The following MST1R variants were observed in gnomAD, a reference collection of about 807,000 sequenced individuals.
The protein encoded by MST1R is macrophage-stimulating protein receptor.
In MST1R, 99 loss-of-function variants were observed where a neutral mutation model predicts 117.8. That is an observed-to-expected ratio of 0.84 (90% CI 0.71 to 0.99). MST1R has a LOEUF of 0.99. Among genes scored for constraint, MST1R ranks in the 50% least tolerant of loss-of-function variants. The pLI is 0.00. For missense variants in MST1R, 1,683 were observed against 1,840.2 expected, an observed-to-expected ratio of 0.91 and a Z score of 1.56; for synonymous variants, 734 against 765.3, an observed-to-expected ratio of 0.96 and a Z score of 0.68.
At position 49,898,557 on chromosome 3, in the gene MST1R, G is replaced by T; in HGVS notation, c.1680C>A (p.Gly560=). The change falls in exon 4 of 20, where the codon GGC becomes GGA. Residue 560 remains glycine (G), a synonymous_variant. Coordinates refer to ENST00000296474, the MANE Select transcript of MST1R (RefSeq NM_002447.4). Reference sequence around the variant, plus strand: ...GTGGGCAGTGGTCCTGTTGCCAGGAGCCAGGACACTCCTTCTGCTGGCCGC... The same window carrying T: ...GTGGGCAGTGGTCCTGTTGCCAGGATCCAGGACACTCCTTCTGCTGGCCGC... ...NMCGQQKECP[G]SWQQDHCPPK... The T allele has an allele frequency of 8.7e-6, 14 of 1,613,992 alleles. No individual in the cohort carries two copies. The highest frequency in any genetic ancestry group is 1.2e-5 in the Non-Finnish European group (14 of 1,180,032).
In MST1R at chr3:49,901,715, AC is replaced by A. The variant is rs1470307486; in HGVS notation, c.1230+664del. On this transcript the variant is annotated intron_variant, in intron 1 of 19. Coordinates refer to ENST00000296474, the MANE Select transcript of MST1R (RefSeq NM_002447.4). Reference sequence around the variant, plus strand: ...ATGCAGGCTCCCTAACAAGCTCCCAACTTCCAAGGCCCAGGAGGCTCCCTGG... The same window carrying A: ...ATGCAGGCTCCCTAACAAGCTCCCAATTCCAAGGCCCAGGAGGCTCCCTGG... Among the ~76,000 whole-genome samples, 13 of 134,714 alleles carry A rather than the reference AC, an allele frequency of 9.7e-5. No homozygotes were observed. The South Asian group carries it at 3.2e-3, about 33-fold the overall frequency. The allele number at this position is 134,714 out of a possible 152,430, so 88.4% of individuals were successfully genotyped here.
Position 49,890,538 on chromosome 3 carries a change from A to C in MST1R, c.3757T>G (p.Trp1253Gly). The change falls in exon 18 of 20, where the codon TGG becomes GGG. Residue 1253 changes from tryptophan to glycine, a missense_variant. Physicochemically the swap from Trp to Gly is radical, Grantham distance 184. Transcript: ENST00000296474. ...GTCTGCAGGCTCTCCAGCGCCATCC[A>C]CTTCACAGGTAGGCGAGCGTGGCGA... ...QHRHARLPVKWMALESLQTYR... is the reference protein window; with the variant it reads ...QHRHARLPVKGMALESLQTYR... The C allele has an allele frequency of 6.2e-7, 1 of 1,614,084 alleles. No homozygotes were observed. The highest frequency in any genetic ancestry group is 1.3e-5 in the African/African-American group (1 of 75,052).
Position 49,897,557 on chromosome 3 carries a change from A to C in MST1R, c.2009T>G (p.Val670Gly), listed in dbSNP as rs201024956. Residue 670 changes from valine (V) to glycine (G), a missense_variant, in exon 6 of 20, where the codon GTA becomes GGA. Val to Gly is a moderately radical substitution (Grantham distance 109). Coordinates refer to ENST00000296474, the MANE Select transcript of MST1R (RefSeq NM_002447.4). ...TNMPPGKHFR[V>G]DGTSVLRGFS... ...GCCTCTCAGCACGGAGGTGCCGTCT[A>C]CCCGGAAGTGCTTGCCCGGTGGCAT... 2.1e-4 allele frequency: 332 copies of C among 1,614,024 alleles called. 3 individuals carry two copies. The East Asian group carries it at 5.9e-3, about 28-fold the overall frequency.
chr3:49,896,202 T>G lies in MST1R; in HGVS notation c.2642A>C (p.Lys881Thr), dbSNP rs781000755. The G allele has an allele frequency of 6.2e-7, 1 of 1,613,978 alleles. No homozygotes were observed. The highest frequency in any genetic ancestry group is 1.3e-5 in the African/African-American group (1 of 74,906). The change falls in exon 10 of 20, where the codon AAG becomes ACG. Residue 881 changes from lysine to threonine, a missense_variant. Coordinates refer to ENST00000296474, the MANE Select transcript of MST1R (RefSeq NM_002447.4). ...VPLKPEEHAI[K>T]FEYIGLGAVA... Reference sequence around the variant, plus strand: ...CCTATCCCTTACACTTACCTCAAACTTAATGGCATGCTCCTCAGGCTTCAG... The same window carrying G: ...CCTATCCCTTACACTTACCTCAAACGTAATGGCATGCTCCTCAGGCTTCAG...
At chr3:49,891,006 G>A (rs556016258) in intron 17 of MST1R, among the ~76,000 whole-genome samples, 191 bp downstream of exon 17, 27 of 152,300 alleles carry the variant, frequency 1.8e-4, no homozygotes, top group African/African-American at 6.3e-4. Context: ...GATTACAGAC[G>A]TGAGCCACCG....
rs2082312071 is a variant in MST1R at position 49,891,435 on chromosome 3, G to A, written c.3498C>T (p.His1166=). The A allele has an allele frequency of 6.8e-6, 11 of 1,613,890 alleles. No individual in the cohort carries two copies. Among genetic ancestry groups the A allele is most frequent in the East Asian group, 4.5e-5 (2 of 44,898 alleles). Residue 1166 remains histidine (H), a synonymous_variant, in exon 16 of 20, where the codon CAC becomes CAT. Transcript: ENST00000296474. Reference sequence around the variant, plus strand: ...AGCGGATGAACTGGAGCAGGTCACCGTGGCACATATAGGGCAGCAGCACAT... The same window carrying A: ...AGCGGATGAACTGGAGCAGGTCACCATGGCACATATAGGGCAGCAGCACAT... ...LPHVLLPYMC[H]GDLLQFIRSP...
intron 1 of MST1R, among the ~76,000 whole-genome samples, chr3:49,901,161 C>G (rs1262515473): frequency 6.6e-6 from 1 of 152,218 alleles, no homozygotes; most frequent in African/African-American, 2.4e-5. Context: ...GACAAGGAGT[C>G]CCCAACCCTA....
chr3:49,902,371 T>C lies in MST1R; in HGVS notation c.1230+9A>G. On this transcript the variant is annotated intron_variant, in intron 1 of 19. Coordinates refer to ENST00000296474, the MANE Select transcript of MST1R (RefSeq NM_002447.4). ...AGCTCACAAGTAAGGGCCCCTTCTT[T>C]CAGCTTACCGGGTTGGGGCAAAAAC... 6.2e-7 allele frequency: 1 copy of C among 1,611,184 alleles called. No individual in the cohort carries two copies. Among genetic ancestry groups the C allele is most frequent in the Non-Finnish European group, 8.5e-7 (1 of 1,178,620 alleles).
intron 19 of MST1R, among the ~76,000 whole-genome samples, chr3:49,888,486 C>T (rs1472004915): frequency 7.3e-5 from 11 of 151,650 alleles, no homozygotes; most frequent in Non-Finnish European, 1.6e-4. Context: ...CCTGTAGTCC[C>T]AGTTACTCAG....
chr3:49,891,509 T>C lies in MST1R; in HGVS notation c.3424A>G (p.Asn1142Asp), dbSNP rs1228888205. Residue 1142 changes from asparagine to aspartate, a missense_variant, in exon 16 of 20, where the codon AAT (asparagine) becomes GAT (aspartate). Asn to Asp is a conservative substitution (Grantham distance 23, BLOSUM62 1). Coordinates refer to ENST00000296474, the MANE Select transcript of MST1R (RefSeq NM_002447.4). ...ATGATACCAATGAGAGCCAGCACAT[T>C]CGGGTGGTTCAGGCCACGCATGAGC... ...GLLMRGLNHP[N>D]VLALIGIMLP... The C allele has an allele frequency of 1.2e-6, 2 of 1,613,916 alleles. No individual in the cohort carries two copies. Among genetic ancestry groups the C allele is most frequent in the Admixed American group, 3.3e-5 (2 of 60,010 alleles).
chr3:49,887,656 G>T, intron 19 of MST1R, 94 bp from the exon 20 acceptor site: 2 of 1,368,824 alleles, frequency 1.5e-6, no homozygotes, highest in Non-Finnish European at 2.0e-6. Context: ...GCCACACAGG[G>T]ATGAGGATAG....
Position 49,902,543 on chromosome 3 carries a change from C to T in MST1R, c.1067G>A (p.Gly356Asp), listed in dbSNP as rs35924402. 2.7e-5 allele frequency: 43 copies of T among 1,613,936 alleles called. No individual in the cohort carries two copies. In the East Asian group the frequency reaches 8.7e-4, roughly 33 times the overall value. ...AGAGTTGGGGCCCACGCCAGGACCACCATCCTTGCCAGTCACAAAGACCCC... is the reference window on the plus strand; with the variant it reads ...AGAGTTGGGGCCCACGCCAGGACCATCATCCTTGCCAGTCACAAAGACCCC... ...LFGVFVTGKD[G>D]GPGVGPNSVV... The change falls in exon 1 of 20, where the codon GGT becomes GAT. Residue 356 changes from glycine to aspartate, a missense_variant. Transcript: ENST00000296474.
At chr3:49,898,726 G>A (rs2082566179) in intron 3 of MST1R, 38 bp from the exon 4 acceptor site, 1 of 1,611,430 alleles carries the variant, frequency 6.2e-7, no homozygotes. Flanking sequence ...GGTGCCTGGA[G>A]GGAGAGATTG....
At position 49,903,611 on chromosome 3, in the gene MST1R, G is replaced by A. The variant is rs747637656; in HGVS notation, c.-2C>T. On this transcript the variant is annotated 5_prime_UTR_variant, in exon 1 of 20. Coordinates refer to ENST00000296474, the MANE Select transcript of MST1R (RefSeq NM_002447.4). ...AGGCAGCGGCGGGAGGAGCTCCATC[G>A]AGGCGAGCTGGGACCCTAGAGGATC... The A allele has an allele frequency of 6.4e-7, 1 of 1,555,650 alleles. No individual in the cohort carries two copies.
At position 49,891,808 on chromosome 3, in the gene MST1R, T is replaced by C; in HGVS notation, c.3302A>G (p.Tyr1101Cys). The change falls in exon 15 of 20, where the codon TAC (tyrosine) becomes TGC (cysteine). Residue 1101 changes from tyrosine to cysteine, a missense_variant. Physicochemically the swap from Tyr to Cys is radical, Grantham distance 194. Transcript: ENST00000296474. ...GHFGVVYHGE[Y>C]IDQAQNRIQC... Reference sequence around the variant, plus strand: ...GATTCGATTCTGGGCCTGGTCTATGTATTCTCCGTGGTAGACAACTCCAAA... The same window carrying C: ...GATTCGATTCTGGGCCTGGTCTATGCATTCTCCGTGGTAGACAACTCCAAA... 2 of 1,614,134 alleles carry C rather than the reference T, an allele frequency of 1.2e-6. No homozygotes were observed. Among genetic ancestry groups the C allele is most frequent in the Non-Finnish European group, 1.7e-6 (2 of 1,180,024 alleles).
intron 14 of MST1R, among the ~76,000 whole-genome samples, chr3:49,894,811 C>CA (rs1266476724): frequency 6.6e-6 from 1 of 150,736 alleles, no homozygotes; most frequent in African/African-American, 2.4e-5. Flanking sequence ...TAGCCCATGT[C>CA]ATTTTTTTTT....
intron 3 of MST1R, 28 bp downstream of exon 3, chr3:49,898,839 C>T (rs201748521): frequency 6.2e-7 from 1 of 1,613,426 alleles, no homozygotes. Context: ...ACAACCCTGG[C>T]CCCAGGCCCT....
At position 49,903,557 on chromosome 3, in the gene MST1R, G is replaced by GGCAACAGCA. The variant is rs1242012534; in HGVS notation, c.44_52dup (p.Leu15_Leu17dup). On this transcript the variant is annotated inframe_insertion, in exon 1 of 20. Coordinates refer to ENST00000296474, the MANE Select transcript of MST1R (RefSeq NM_002447.4). ...GTCCTCGCCCGCCGCGGGCTTGGCA[G>GGCAACAGCA]GCAACAGCAGCAGCAACAGGAAGGA... The GGCAACAGCA allele has an allele frequency of 3.8e-6, 6 of 1,593,376 alleles. No individual in the cohort carries two copies. Among genetic ancestry groups the GGCAACAGCA allele is most frequent in the Non-Finnish European group, 4.3e-6 (5 of 1,174,770 alleles).
In MST1R at chr3:49,896,740, G is replaced by T. The variant is rs2082485936; in HGVS notation, c.2334C>A (p.Asn778Lys). Residue 778 changes from asparagine to lysine, a missense_variant, in exon 8 of 20, where the codon AAC becomes AAA. Physicochemically the swap from Asn to Lys is moderately conservative, Grantham distance 94. Coordinates refer to ENST00000296474, the MANE Select transcript of MST1R (RefSeq NM_002447.4). ...GAGGCAGTGCTTACATGTAGCCACA[G>T]TTGGGGCTGATGCTTAGCACGACAG... is the stretch of plus-strand genomic sequence containing the variant. Reference protein sequence around the residue: ...EDPVVLSISPNCGYINSHITI... With the variant: ...EDPVVLSISPKCGYINSHITI... 6.3e-7 allele frequency: 1 copy of T among 1,594,232 alleles called. No homozygotes were observed. The highest frequency in any genetic ancestry group is 8.6e-7 in the Non-Finnish European group (1 of 1,169,322).
Sources: gnomAD v4.1 joint callset for allele counts (sites outside exome capture counted in the v4.1 genomes callset) on GRCh38, gnomAD v4.1.1 for gene constraint, MANE v1.5 for transcripts, NCBI Gene and HGNC (gene_info 2026-07-23, HGNC 2026-07-21) for gene names.